LY86: variants seen among roughly 807,000 people sequenced by gnomAD.
LY86 encodes the protein lymphocyte antigen 86, also known as MD-1, RP105-associated.
Under a neutral mutation model 17.3 loss-of-function variants are expected in LY86, and 20 were observed. The observed-to-expected ratio is 1.15, with a 90% confidence interval of 0.81 to 1.68. LY86 has a LOEUF of 1.68. Among genes scored for constraint, LY86 ranks in the 40% most tolerant of loss-of-function variants. LY86 has a pLI of 0.00. For synonymous variants in LY86, 74 were observed against 70.6 expected (o/e 1.05, Z -0.24); for missense variants, 200 against 191.9 (o/e 1.04, Z -0.25).
intron 1 of LY86, among the ~76,000 whole-genome samples, chr6:6,619,859 G>C (rs1761634962): frequency 6.6e-6 from 1 of 152,122 alleles, no homozygotes; most frequent in Admixed American, 6.6e-5. Flanking sequence ...GACAGGGAGA[G>C]AGGGAAAGAA....
At chr6:6,636,328 C>T (rs9379050) in intron 3 of LY86, among the ~76,000 whole-genome samples, 5,410 of 152,302 alleles carry the variant, frequency 0.036, 285 homozygotes, top group African/African-American at 0.11. Flanking sequence ...ATACAAGTGA[C>T]CTCATGGGAT....
intron 3 of LY86, 28 bp from the exon 4 acceptor site, chr6:6,649,597 A>G: frequency 1.4e-6 from 2 of 1,389,600 alleles, no homozygotes; most frequent in Non-Finnish European, 2.0e-6. Flanking sequence ...ATTGAATAAC[A>G]TCATCTATGC....
chr6:6,613,162 G>C (rs1423905381), intron 1 of LY86, among the ~76,000 whole-genome samples: 1 of 152,244 alleles, frequency 6.6e-6, no homozygotes, highest in Non-Finnish European at 1.5e-5. Flanking sequence ...CCCTTAGCTA[G>C]ACATAAAGAT....
intron 1 of LY86, among the ~76,000 whole-genome samples, chr6:6,589,588 C>T (rs747112869): frequency 6.6e-6 from 1 of 152,216 alleles, no homozygotes; most frequent in East Asian, 1.9e-4. Flanking sequence ...GCTGCCATAA[C>T]AAACCACCAC....
chr6:6,628,991 G>A (rs1206905567), intron 3 of LY86, among the ~76,000 whole-genome samples: 3 of 152,176 alleles, frequency 2.0e-5, no homozygotes, highest in African/African-American at 7.2e-5. Flanking sequence ...GCCTGCGTAT[G>A]GTTTTAATAG....
chr6:6,590,503 C>G (rs1374864865), intron 1 of LY86, among the ~76,000 whole-genome samples: 2 of 151,858 alleles, frequency 1.3e-5, no homozygotes, highest in Non-Finnish European at 2.9e-5. Flanking sequence ...AAAGTGAAAT[C>G]TTGGATAAGG....
At chr6:6,605,061 A>C (rs1468655741) in intron 1 of LY86, among the ~76,000 whole-genome samples, 2 of 150,616 alleles carry the variant, frequency 1.3e-5, no homozygotes, top group African/African-American at 4.9e-5. Flanking sequence ...TTTGCCACCG[A>C]GACTCTCACT....
chr6:6,602,706 G>C lies in LY86; in HGVS notation c.136+13836G>C, dbSNP rs79769688. Among the ~76,000 whole-genome samples the C allele has an allele frequency of 3.9e-3, 600 of 152,240 alleles. 1 individual carries two copies. Among genetic ancestry groups the C allele is most frequent in the Middle Eastern group, 0.02 (6 of 294 alleles). ...GAGCCCTTGTGAAACATGCCTTAGA[G>C]ATGTCATATCTCAAGGGGGAAGAAA... On this transcript the variant is annotated intron_variant, in intron 1 of 4. Transcript: ENST00000230568.
At chr6:6,612,798 C>A (rs1761419458) in intron 1 of LY86, among the ~76,000 whole-genome samples, 1 of 152,246 alleles carries the variant, frequency 6.6e-6, no homozygotes, top group South Asian at 2.1e-4. Context: ...AAACCCTGAG[C>A]TAGACACAGA....
intron 1 of LY86, among the ~76,000 whole-genome samples, chr6:6,603,603 C>CAACAAAAAAAAAAAAAAAAAAAAA (rs1207511602): frequency 2.8e-5 from 2 of 70,462 alleles, no homozygotes; most frequent in East Asian, 3.1e-4. Flanking sequence ...AAAACAGAAA[C>CAACAAAAAAAAAAAAAAAAAAAAA]AGAAAAAAAA....
intron 1 of LY86, among the ~76,000 whole-genome samples, chr6:6,590,186 C>A (rs546266961): frequency 6.6e-6 from 1 of 151,136 alleles, no homozygotes; most frequent in African/African-American, 2.4e-5. Flanking sequence ...TACCGTAGTC[C>A]CCCCCCAGTC....
chr6:6,601,693 C>T (rs1760915476), intron 1 of LY86, among the ~76,000 whole-genome samples: 1 of 150,452 alleles, frequency 6.6e-6, no homozygotes, highest in Non-Finnish European at 1.5e-5. Flanking sequence ...GCACTCCAGC[C>T]TGGGAGACAG....
At chr6:6,618,320 G>A (rs905621376) in intron 1 of LY86, among the ~76,000 whole-genome samples, 4 of 152,164 alleles carry the variant, frequency 2.6e-5, no homozygotes, top group African/African-American at 7.2e-5. Context: ...CTCCTATGCT[G>A]ATAGAAGCCA....
intron 3 of LY86, among the ~76,000 whole-genome samples, chr6:6,640,959 G>A (rs1476643247): frequency 6.6e-6 from 1 of 152,246 alleles, no homozygotes; most frequent in African/African-American, 2.4e-5. Flanking sequence ...CGGACAGGGA[G>A]AGATATCAAA....
chr6:6,606,061 C>A (rs1216641458), intron 1 of LY86, among the ~76,000 whole-genome samples: 3 of 152,200 alleles, frequency 2.0e-5, no homozygotes, highest in Non-Finnish European at 4.4e-5. Flanking sequence ...CTGCTGCTAG[C>A]GCGGGCAGCC....
intron 3 of LY86, among the ~76,000 whole-genome samples, chr6:6,646,556 C>G (rs550182556): frequency 1.1e-4 from 16 of 152,258 alleles, no homozygotes; most frequent in Admixed American, 9.2e-4. Flanking sequence ...AAAAATGCAC[C>G]CTTTCTGAAA....
At chr6:6,606,599 G>A (rs1561780539) in intron 1 of LY86, among the ~76,000 whole-genome samples, 2 of 152,210 alleles carry the variant, frequency 1.3e-5, no homozygotes, top group Non-Finnish European at 2.9e-5. Context: ...GCGGGCTGCA[G>A]GTCCCTAGCC....
intron 3 of LY86, among the ~76,000 whole-genome samples, chr6:6,626,839 G>T (rs1318689474): frequency 1.3e-5 from 2 of 151,628 alleles, no homozygotes; most frequent in Non-Finnish European, 2.9e-5. Flanking sequence ...AAAAAAAAAT[G>T]AAGCTTATGA....
chr6:6,628,413 T>C (rs949535066), intron 3 of LY86, among the ~76,000 whole-genome samples: 6 of 151,758 alleles, frequency 4.0e-5, no homozygotes, highest in Non-Finnish European at 7.4e-5. Flanking sequence ...AGGGATCCTT[T>C]GCCACTTTCT....
Sources: allele counts gnomAD v4.1 joint callset (sites outside exome capture counted in the v4.1 genomes callset), GRCh38; gene constraint gnomAD v4.1.1; transcripts MANE v1.5; gene names NCBI Gene and HGNC (gene_info 2026-07-23, HGNC 2026-07-21).